The following NTRK3 variants were observed in gnomAD, a reference collection of about 807,000 sequenced individuals.
NTRK3 encodes the protein neurotrophic receptor tyrosine kinase 3.
In NTRK3, 24 loss-of-function variants were observed where a neutral mutation model predicts 91.7. The ratio of observed to expected loss-of-function variants is 0.26; its 90% CI spans 0.19 to 0.37. The LOEUF is 0.37. Among genes scored for constraint, NTRK3 ranks in the 10% least tolerant of loss-of-function variants. The pLI is 1.00. For missense variants in NTRK3, 880 were observed against 1,068.9 expected, an observed-to-expected ratio of 0.82 and a Z score of 2.46; for synonymous variants, 483 against 404.0, an observed-to-expected ratio of 1.20 and a Z score of -2.34.
chr15:88,074,452 A>G (rs1046486009), intron 13 of NTRK3, among the ~76,000 whole-genome samples: 5 of 152,222 alleles, frequency 3.3e-5, no homozygotes, highest in African/African-American at 9.6e-5. Context: ...GCTAGCAGCC[A>G]TCGTATTGGA....
intron 17 of NTRK3, among the ~76,000 whole-genome samples, chr15:87,921,520 A>C (rs1052743615): frequency 2.0e-5 from 3 of 152,158 alleles, no homozygotes; most frequent in African/African-American, 7.2e-5. Flanking sequence ...GAACTATATG[A>C]TTCTGAGTGT....
chr15:87,919,490 G>A (rs2067696685), intron 17 of NTRK3, among the ~76,000 whole-genome samples: 1 of 152,092 alleles, frequency 6.6e-6, no homozygotes, highest in Admixed American at 6.6e-5. Context: ...ATTCTTTTCT[G>A]TATTCAGTTC....
chr15:88,137,098 A>G (rs971399748), intron 7 of NTRK3, among the ~76,000 whole-genome samples: 1 of 151,938 alleles, frequency 6.6e-6, no homozygotes, highest in Non-Finnish European at 1.5e-5. Context: ...TTTGAGATAC[A>G]CTCCTTCAGG....
At chr15:87,909,872 C>G (rs2066986545) in intron 17 of NTRK3, among the ~76,000 whole-genome samples, 1 of 152,200 alleles carries the variant, frequency 6.6e-6, no homozygotes, top group Non-Finnish European at 1.5e-5. Context: ...AGCGAGGCCT[C>G]TGAATGAATG....
At chr15:87,896,558 C>G (rs1205971059) in intron 17 of NTRK3, among the ~76,000 whole-genome samples, 1 of 151,654 alleles carries the variant, frequency 6.6e-6, no homozygotes, top group Non-Finnish European at 1.5e-5. Flanking sequence ...ATCGACAGTT[C>G]TATAGTTTTC....
At position 88,025,047 on chromosome 15, in the gene NTRK3, CCA is replaced by C. The variant is rs147158442; in HGVS notation, c.1585+7808_1585+7809del. On this transcript the variant is annotated intron_variant, in intron 14 of 18. Coordinates refer to ENST00000394480, the Ensembl canonical transcript of NTRK3. ...GGTTGGTACAATCACACGTGTGTGGCCACACACACACACACACAACACATACA... is the reference window on the plus strand; with the variant it reads ...GGTTGGTACAATCACACGTGTGTGGCCACACACACACACACAACACATACA... 2.1e-3 allele frequency among the ~76,000 whole-genome samples: 317 copies of C among 150,650 alleles called. 2 individuals are homozygous for C. Among genetic ancestry groups the C allele is most frequent in the South Asian group, 0.01 (49 of 4,764 alleles).
intron 13 of NTRK3, among the ~76,000 whole-genome samples, chr15:88,058,920 A>G (rs372577994): frequency 5.5e-4 from 84 of 152,286 alleles, no homozygotes; most frequent in African/African-American, 1.8e-3. Flanking sequence ...GCCAGCAGAG[A>G]AAAATGTGGT....
intron 6 of NTRK3, among the ~76,000 whole-genome samples, chr15:88,142,874 G>A (rs891794393): frequency 6.6e-6 from 1 of 152,174 alleles, no homozygotes; most frequent in Non-Finnish European, 1.5e-5. Context: ...CAAGGGATAA[G>A]ATCACTCTCG....
At chr15:88,046,770 G>A (rs1280772454) in intron 13 of NTRK3, among the ~76,000 whole-genome samples, 3 of 152,104 alleles carry the variant, frequency 2.0e-5, no homozygotes, top group Admixed American at 6.5e-5. Flanking sequence ...TAATCTCTTG[G>A]CTCACTCATC....
intron 13 of NTRK3, among the ~76,000 whole-genome samples, chr15:88,049,346 G>A (rs2080574889): frequency 6.6e-6 from 1 of 152,098 alleles, no homozygotes; most frequent in Admixed American, 6.5e-5. Flanking sequence ...TATTTAAGCA[G>A]GTTTGCTTTA....
intron 16 of NTRK3, among the ~76,000 whole-genome samples, chr15:87,930,707 T>G (rs1484392695): frequency 6.6e-6 from 1 of 152,188 alleles, no homozygotes; most frequent in Non-Finnish European, 1.5e-5. Context: ...TGCGGCCTGT[T>G]GCTAAGAGCT....
intron 15 of NTRK3, 52 bp downstream of exon 15, chr15:87,940,571 C>T (rs2142016125): frequency 6.2e-7 from 1 of 1,612,328 alleles, no homozygotes; most frequent in South Asian, 1.1e-5. Context: ...CCTTCCCTCC[C>T]TGGGCCCTCA....
At chr15:88,100,895 C>A (rs1475177673) in intron 13 of NTRK3, among the ~76,000 whole-genome samples, 1 of 152,148 alleles carries the variant, frequency 6.6e-6, no homozygotes, top group Non-Finnish European at 1.5e-5. Context: ...AAATGTTAGA[C>A]CTAAAACCAT....
intron 14 of NTRK3, among the ~76,000 whole-genome samples, chr15:87,992,112 A>G (rs2075334245): frequency 6.6e-6 from 1 of 152,102 alleles, no homozygotes. Context: ...GTCCAATCAT[A>G]TCAATAAAAA....
intron 13 of NTRK3, among the ~76,000 whole-genome samples, chr15:88,085,123 C>T (rs1193465879): frequency 2.0e-5 from 3 of 152,136 alleles, no homozygotes; most frequent in Non-Finnish European, 4.4e-5. Flanking sequence ...GCCAAGCAAC[C>T]ATGGTTAATA....
At chr15:88,175,132 C>T (rs551486099) in intron 5 of NTRK3, among the ~76,000 whole-genome samples, 1 of 152,316 alleles carries the variant, frequency 6.6e-6, no homozygotes, top group African/African-American at 2.4e-5. Flanking sequence ...CTCTGTCATT[C>T]CTGGTTTATC....
At chr15:87,873,523 C>G (rs914403332) in exon 19 of NTRK3, 1 of 231,686 alleles carries the variant, frequency 4.3e-6, no homozygotes, top group Non-Finnish European at 8.5e-6. Context: ...CCTGGGTGCC[C>G]TGGAGCGTTC....
intron 16 of NTRK3, chr15:87,930,993 T>C (rs2068748362): frequency 3.2e-6 from 1 of 308,204 alleles, no homozygotes; most frequent in East Asian, 9.2e-5. Context: ...CTGTCTGCCA[T>C]GGAGAAGGCA....
intron 17 of NTRK3, among the ~76,000 whole-genome samples, chr15:87,911,346 T>G (rs753163256): frequency 3.3e-5 from 5 of 152,204 alleles, no homozygotes; most frequent in Admixed American, 6.5e-5. Flanking sequence ...CTAAGCAATC[T>G]CTGTTGTAGA....
Sources: allele counts gnomAD v4.1 joint callset (sites outside exome capture counted in the v4.1 genomes callset), GRCh38; gene constraint gnomAD v4.1.1; transcripts MANE v1.5; gene names NCBI Gene and HGNC (gene_info 2026-07-23, HGNC 2026-07-21).